The following DOP1B variants were observed in gnomAD, a reference collection of about 807,000 sequenced individuals.
DOP1B encodes DOP1 leucine zipper like protein B, also known as protein DOP1B.
DOP1B carries 174 observed loss-of-function variants against 233.5 expected under a neutral mutation model. The observed-to-expected ratio is 0.75, with a 90% confidence interval of 0.66 to 0.85. The LOEUF (loss-of-function observed/expected upper bound fraction) is 0.85. Ranked by LOEUF, DOP1B falls within the 40% of genes least tolerant of loss-of-function variation. The pLI, the probability that DOP1B is intolerant of heterozygous loss-of-function variation, is 0.00. For synonymous variants in DOP1B, 1,190 were observed against 1,185.6 expected (o/e 1.00, Z -0.08); for missense variants, 2,652 against 2,846.6 (o/e 0.93, Z 1.56).
rs767331304 is a variant in DOP1B at position 36,223,181 on chromosome 21, A to C, written c.1251-50A>C. On this transcript the variant is annotated intron_variant, in intron 10 of 36. Transcript: ENST00000691173. ...TACAGTTTTTTGGACACTTTTTGTA[A>C]TTCAGGATTTTTTTATAGACATATT... 9 of 1,528,898 alleles carry C rather than the reference A, an allele frequency of 5.9e-6. No homozygotes were observed. In the African/African-American group the frequency reaches 1.0e-4, roughly 17 times the overall value. 94.7% of individuals were successfully genotyped at this position (1,528,898 alleles called of 1,614,324 possible).
chr21:36,225,649 G>C lies in DOP1B; in HGVS notation c.1455G>C (p.Leu485=), dbSNP rs2066674332. ...VSELCALLVF[L]LDVIPLELYS... ...AGCTCTGCGCCCTCCTGGTCTTCCT[G>C]CTGGATGTCATTCCTTTGGTGAGTG... Residue 485 remains leucine, a synonymous_variant, in exon 12 of 37, where the codon CTG becomes CTC. Transcript: ENST00000691173. 6.2e-7 allele frequency: 1 copy of C among 1,614,040 alleles called. No individual in the cohort carries two copies. The highest frequency in any genetic ancestry group is 1.3e-5 in the African/African-American group (1 of 74,918).
At chr21:36,250,341 C>T (rs984886025) in intron 21 of DOP1B, among the ~76,000 whole-genome samples, 3 of 152,152 alleles carry the variant, frequency 2.0e-5, no homozygotes, top group African/African-American at 4.8e-5. Flanking sequence ...CTTGCTTTAC[C>T]GGTGGACAAG....
intron 32 of DOP1B, among the ~76,000 whole-genome samples, chr21:36,283,455 A>G (rs2067442295): frequency 6.6e-6 from 1 of 152,236 alleles, no homozygotes; most frequent in Non-Finnish European, 1.5e-5. Context: ...ATATGCAATA[A>G]TAAAACACCT....
chr21:36,260,747 C>T lies in DOP1B; in HGVS notation c.5315+15C>T, dbSNP rs377251516. ...TTTCTCCAAAGGTAATACAGTCCCC[C>T]GTCCTCCAAAAACTTCCTTAAATAC... On this transcript the variant is annotated intron_variant, in intron 24 of 36. Coordinates refer to ENST00000691173, the MANE Select transcript of DOP1B (RefSeq NM_001320714.2). 4.9e-5 allele frequency: 79 copies of T among 1,613,408 alleles called. No individual in the cohort carries two copies. The highest frequency in any genetic ancestry group is 6.0e-5 in the Non-Finnish European group (71 of 1,179,848).
chr21:36,269,897 C>G, intron 26 of DOP1B, 116 bp from the exon 27 acceptor site: 1 of 1,028,752 alleles, frequency 9.7e-7, no homozygotes, highest in South Asian at 1.5e-5. Flanking sequence ...CTTAATGGTA[C>G]GTATATGCTC....
chr21:36,291,810 G>C (rs1385116620), intron 35 of DOP1B, among the ~76,000 whole-genome samples: 1 of 152,148 alleles, frequency 6.6e-6, no homozygotes. Flanking sequence ...GTATGATTCT[G>C]CTTATATGGA....
chr21:36,262,100 T>C (rs2067178091), intron 24 of DOP1B, among the ~76,000 whole-genome samples: 1 of 152,156 alleles, frequency 6.6e-6, no homozygotes, highest in Non-Finnish European at 1.5e-5. Context: ...GACGGTAAAT[T>C]GAGGCCTCCT....
intron 3 of DOP1B, among the ~76,000 whole-genome samples, 176 bp from the exon 4 acceptor site, chr21:36,200,155 C>A (rs145280860): frequency 7.3e-5 from 11 of 151,634 alleles, no homozygotes; most frequent in African/African-American, 2.7e-4. Context: ...AGCTTCATTG[C>A]TGGCTTGTTA....
chr21:36,278,621 A>G (rs2067381476), intron 30 of DOP1B, among the ~76,000 whole-genome samples: 1 of 152,168 alleles, frequency 6.6e-6, no homozygotes, highest in Admixed American at 6.6e-5. Flanking sequence ...TAATCCCAGC[A>G]TTTTGGGAGG....
At chr21:36,265,402 CAAAA>C (rs2067219689) in intron 26 of DOP1B, among the ~76,000 whole-genome samples, 1 of 144,484 alleles carries the variant, frequency 6.9e-6, no homozygotes. Flanking sequence ...GTCTCAAAAA[CAAAA>C]AACAAAAAAA....
At position 36,283,628 on chromosome 21, in the gene DOP1B, C is replaced by T. The variant is rs182724634; in HGVS notation, c.6160+2017C>T. Among the ~76,000 whole-genome samples the T allele has an allele frequency of 3.8e-4, 58 of 152,294 alleles. 1 individual carries two copies. The highest frequency in any genetic ancestry group is 3.4e-3 in the Admixed American group (52 of 15,284). On this transcript the variant is annotated intron_variant, in intron 32 of 36. Coordinates refer to ENST00000691173, the MANE Select transcript of DOP1B (RefSeq NM_001320714.2). ...GTGATAGGAGGATGATTTAATCAGA[C>T]GGTAACCAGGAGCACCAGTAAAGGT...
intron 23 of DOP1B, 61 bp from the exon 24 acceptor site, chr21:36,260,616 T>C (rs1174565759): frequency 1.9e-6 from 3 of 1,605,332 alleles, no homozygotes; most frequent in African/African-American, 1.3e-5. Flanking sequence ...ATTTTGTATC[T>C]GAATTCTTTT....
chr21:36,239,705 A>G lies in DOP1B; in HGVS notation c.2877-60A>G, dbSNP rs1601438773. Reference sequence around the variant, plus strand: ...TGACGCCCTATGCCCAGTGTCTGCCACGGTGCCTGGCGCACAGGGGTGGCT... The same window carrying G: ...TGACGCCCTATGCCCAGTGTCTGCCGCGGTGCCTGGCGCACAGGGGTGGCT... On this transcript the variant is annotated intron_variant, in intron 17 of 36. Coordinates refer to ENST00000691173, the MANE Select transcript of DOP1B (RefSeq NM_001320714.2). The G allele has an allele frequency of 2.0e-6, 3 of 1,473,186 alleles. No homozygotes were observed. The African/African-American group carries it at 4.2e-5, about 21-fold the overall frequency. 91.3% of individuals were successfully genotyped at this position (1,473,186 alleles called of 1,614,324 possible).
At chr21:36,220,488 G>A (rs913803112) in intron 10 of DOP1B, among the ~76,000 whole-genome samples, 5 of 151,884 alleles carry the variant, frequency 3.3e-5, no homozygotes, top group Non-Finnish European at 5.9e-5. Context: ...GTTGCTTGGG[G>A]TTTTCTTTTT....
intron 2 of DOP1B, among the ~76,000 whole-genome samples, chr21:36,173,365 A>G (rs906493838): frequency 1.3e-5 from 2 of 152,108 alleles, no homozygotes; most frequent in Non-Finnish European, 2.9e-5. Flanking sequence ...ATCATTTTCA[A>G]ACTTGCTCAA....
chr21:36,277,200 C>A, intron 28 of DOP1B, 100 bp downstream of exon 28: 2 of 1,186,018 alleles, frequency 1.7e-6, no homozygotes, highest in Non-Finnish European at 2.4e-6. Context: ...GAGCGTGGGC[C>A]GCACCCTCCC....
At position 36,245,933 on chromosome 21, in the gene DOP1B, T is replaced by C; in HGVS notation, c.3953T>C (p.Leu1318Pro). The C allele has an allele frequency of 6.2e-7, 1 of 1,613,826 alleles. No individual in the cohort carries two copies. The highest frequency in any genetic ancestry group is 8.5e-7 in the Non-Finnish European group (1 of 1,179,982). The change falls in exon 19 of 37, where the codon CTC becomes CCC. Residue 1318 changes from leucine (L) to proline (P), a missense_variant. This residue lies in a region of DOP1B where 2,617 missense variants were observed against 2,794.3 expected (regional missense o/e 0.94). Coordinates refer to ENST00000691173, the MANE Select transcript of DOP1B (RefSeq NM_001320714.2). The surrounding 1 kb of genome is among the most constrained non-coding windows in gnomAD (Gnocchi z 5.5). ...HSLLLELLTY[L>P]CLSFLRSYYP... ...CTGCTCCTGGAGCTGCTCACCTACC[T>C]CTGCCTGAGCTTCCTGCGCTCCTAC...
intron 18 of DOP1B, 115 bp downstream of exon 18, chr21:36,240,070 G>C: frequency 8.1e-7 from 1 of 1,230,590 alleles, no homozygotes; most frequent in South Asian, 1.6e-5. Flanking sequence ...GATGCAAATG[G>C]TACTTTGTAA....
chr21:36,223,150 A>G, intron 10 of DOP1B, 81 bp from the exon 11 acceptor site: 2 of 1,439,360 alleles, frequency 1.4e-6, no homozygotes, highest in South Asian at 1.4e-5. Flanking sequence ...AGATGGTGAA[A>G]TCAATTACAG....
Sources: allele counts gnomAD v4.1 joint callset (sites outside exome capture counted in the v4.1 genomes callset), GRCh38; gene constraint gnomAD v4.1.1; regional missense constraint gnomAD v4.1.1; non-coding constraint Gnocchi (gnomAD v3.1); transcripts MANE v1.5; gene names NCBI Gene and HGNC (gene_info 2026-07-23, HGNC 2026-07-21).